The following ESYT1 variants were observed in gnomAD, a reference collection of about 807,000 sequenced individuals.
ESYT1 encodes the protein extended synaptotagmin 1.
A neutral mutation model predicts 154.2 loss-of-function variants in ESYT1; 116 were observed. That is an observed-to-expected ratio of 0.75 (90% CI 0.65 to 0.88). The LOEUF (loss-of-function observed/expected upper bound fraction) is 0.88, where lower values mean the gene tolerates loss of function less well. Ranked by LOEUF, ESYT1 falls within the 40% of genes least tolerant of loss-of-function variation. ESYT1 has a pLI of 0.00. For synonymous variants in ESYT1, 500 were observed against 539.9 expected, an observed-to-expected ratio of 0.93 and a Z score of 1.02; for missense variants, 1,264 against 1,379.3, an observed-to-expected ratio of 0.92 and a Z score of 1.32.
At position 56,132,336 on chromosome 12, in the gene ESYT1, T is replaced by C. The variant is rs1022798727; in HGVS notation, c.984+4T>C. On this transcript the variant is annotated splice_donor_region_variant and intron_variant, in intron 8 of 30. Coordinates refer to ENST00000394048, the MANE Select transcript of ESYT1 (RefSeq NM_015292.3). ...GTTGCGTTCCCCTCTGCCCAGGGTA[T>C]GGCCTTTCCCCCACTAGATAGATCC... 6.2e-7 allele frequency: 1 copy of C among 1,614,164 alleles called. No homozygotes were observed. Among genetic ancestry groups the C allele is most frequent in the Non-Finnish European group, 8.5e-7 (1 of 1,180,040 alleles).
chr12:56,132,715 C>A lies in ESYT1; in HGVS notation c.1162-4C>A. The A allele has an allele frequency of 6.2e-7, 1 of 1,614,128 alleles. No individual in the cohort carries two copies. The highest frequency in any genetic ancestry group is 8.5e-7 in the Non-Finnish European group (1 of 1,179,992). On this transcript the variant is annotated splice_region_variant and splice_polypyrimidine_tract_variant and intron_variant, in intron 9 of 30. Coordinates refer to ENST00000394048, the MANE Select transcript of ESYT1 (RefSeq NM_015292.3). ...TGAGACACTCAGCCTTCTGTGTTCC[C>A]CAGGTGATGGTACACGAGGTCCCAG...
chr12:56,131,444 G>A, intron 5 of ESYT1, 33 bp from the exon 6 acceptor site: 1 of 1,613,240 alleles, frequency 6.2e-7, no homozygotes, highest in South Asian at 1.1e-5. Flanking sequence ...GACTTTTCTG[G>A]GGAAAGGCTT....
Position 56,130,874 on chromosome 12 carries a change from T to C in ESYT1, c.516T>C (p.Ser172=). The stretch of plus-strand genomic sequence containing the variant: ...CTGTGGCTCCGGCTGTTAGGGGATC[T>C]AACCCCCATCTGCAAACATTTACAT... ...AETVAPAVRG[S]NPHLQTFTFT... Residue 172 remains serine (S), a synonymous_variant, in exon 3 of 31, where the codon TCT becomes TCC. Coordinates refer to ENST00000394048, the MANE Select transcript of ESYT1 (RefSeq NM_015292.3). 1 of 1,614,226 alleles carries C rather than the reference T, an allele frequency of 6.2e-7. No homozygotes were observed. The highest frequency in any genetic ancestry group is 2.2e-5 in the East Asian group (1 of 44,890).
Position 56,138,023 on chromosome 12 carries a change from C to T in ESYT1, c.2199-3C>T. 3 of 1,614,158 alleles carry T rather than the reference C, an allele frequency of 1.9e-6. No individual in the cohort carries two copies. Among genetic ancestry groups the T allele is most frequent in the Non-Finnish European group, 2.5e-6 (3 of 1,180,014 alleles). ...CTTTTGTCTTAATCTTTCTCTTCAA[C>T]AGGTGTAAAGTGCGTCTCACCACAG... is the stretch of plus-strand genomic sequence containing the variant. On this transcript the variant is annotated splice_region_variant and splice_polypyrimidine_tract_variant and intron_variant, in intron 19 of 30. Transcript: ENST00000394048.
chr12:56,132,089 A>AT, intron 7 of ESYT1, 120 bp from the exon 8 acceptor site: 3 of 1,483,408 alleles, frequency 2.0e-6, no homozygotes, highest in Non-Finnish European at 2.8e-6. Flanking sequence ...AGCACAAAGG[A>AT]TTTTCACAAA....
intron 24 of ESYT1, among the ~76,000 whole-genome samples, chr12:56,141,670 G>A (rs556254098): frequency 6.6e-6 from 1 of 152,318 alleles, no homozygotes; most frequent in African/African-American, 2.4e-5. Context: ...AACCCAGGAG[G>A]CGGAGCTTGC....
At position 56,136,867 on chromosome 12, in the gene ESYT1, A is replaced by G. The variant is rs1870479550; in HGVS notation, c.1756A>G (p.Arg586Gly). The part of the protein sequence containing the change: ...FQLSSSGPNS[R>G]LYMKLVMRIL... The stretch of plus-strand genomic sequence containing the variant: ...GCTCAGCAGCTCTGGTCCAAACTCC[A>G]GACTCTATATGAAACTAGTCATGAG... Residue 586 changes from arginine (R) to glycine (G), a missense_variant, in exon 16 of 31, where the codon AGA becomes GGA. By Grantham distance (125) the Arg-to-Gly change is moderately radical. Transcript: ENST00000394048. The G allele has an allele frequency of 6.2e-7, 1 of 1,610,006 alleles. No individual in the cohort carries two copies. The highest frequency in any genetic ancestry group is 8.5e-7 in the Non-Finnish European group (1 of 1,177,444).
chr12:56,139,347 G>T (rs1359778759), intron 24 of ESYT1, among the ~76,000 whole-genome samples: 1 of 151,852 alleles, frequency 6.6e-6, no homozygotes, highest in African/African-American at 2.4e-5. Context: ...CCTGACCTCA[G>T]GTGATCCGCC....
At chr12:56,133,704 AG>A in intron 12 of ESYT1, 30 bp downstream of exon 12, 2 of 1,613,686 alleles carry the variant, frequency 1.2e-6, no homozygotes, top group South Asian at 2.2e-5. Flanking sequence ...GGAAGCTGGC[AG>A]GGGAGAAATA....
In ESYT1 at chr12:56,144,347, C is replaced by G. The variant is rs1870835884; in HGVS notation, c.*485C>G. The G allele has an allele frequency of 9.9e-7, 1 of 1,011,360 alleles. No homozygotes were observed. The highest frequency in any genetic ancestry group is 1.2e-6 in the Non-Finnish European group (1 of 844,442). The allele number at this position is 1,011,360 out of a possible 1,614,324, so 62.6% of individuals were successfully genotyped here. On this transcript the variant is annotated 3_prime_UTR_variant, in exon 31 of 31. Transcript: ENST00000394048. ...TGCATGTAGCAAATGTTCAGCAGCT[C>G]AGGCCCCCATGTCCAGTTCTGTCCC...
In ESYT1 at chr12:56,136,840, C is replaced by T; in HGVS notation, c.1729C>T (p.Gln577Ter). The T allele has an allele frequency of 6.2e-7, 1 of 1,612,532 alleles. No individual in the cohort carries two copies. Among genetic ancestry groups the T allele is most frequent in the Non-Finnish European group, 8.5e-7 (1 of 1,178,970 alleles). ...AGAACTCATCCTGGACCAGTGGTTC[C>T]AGCTCAGCAGCTCTGGTCCAAACTC... is the stretch of plus-strand genomic sequence containing the variant. ...APELILDQWF[Q>*]LSSSGPNSRL... Residue 577 changes from glutamine (Q) to a stop codon, truncating the protein, a stop_gained, in exon 16 of 31, where the codon CAG becomes TAG. Transcript: ENST00000394048. LOFTEE classifies it high-confidence loss of function.
At position 56,128,377 on chromosome 12, in the gene ESYT1, C is replaced by A. The variant is rs1182351034; in HGVS notation, c.58C>A (p.Pro20Thr). Residue 20 changes from proline (P) to threonine (T), a missense_variant, in exon 1 of 31, where the codon CCC (proline) becomes ACC (threonine). Transcript: ENST00000394048. ...SPSPMDQPSAPSDPTDQPPAA... is the reference protein window; with the variant it reads ...SPSPMDQPSATSDPTDQPPAA... ...CAGCCCCATGGACCAGCCCTCTGCT[C>A]CCTCCGACCCCACTGACCAGCCCCC... 1.2e-6 allele frequency: 2 copies of A among 1,612,258 alleles called. No individual in the cohort carries two copies. Among genetic ancestry groups the A allele is most frequent in the Non-Finnish European group, 1.7e-6 (2 of 1,179,230 alleles).
At chr12:56,128,791 A>T in intron 1 of ESYT1, 82 bp downstream of exon 1, 1 of 1,547,788 alleles carries the variant, frequency 6.5e-7, no homozygotes, top group South Asian at 1.1e-5. Flanking sequence ...TTATGCCTAG[A>T]GTCAGCTCCC....
intron 10 of ESYT1, among the ~76,000 whole-genome samples, chr12:56,133,099 C>T (rs527636698): frequency 3.3e-5 from 5 of 151,410 alleles, no homozygotes; most frequent in Non-Finnish European, 7.4e-5. Context: ...CCAGCCTGGG[C>T]GACAGAGCGA....
chr12:56,140,976 G>A (rs1447100432), intron 24 of ESYT1, among the ~76,000 whole-genome samples: 1 of 152,180 alleles, frequency 6.6e-6, no homozygotes, highest in East Asian at 1.9e-4. Flanking sequence ...TGGAATTTGA[G>A]ATCTCTGCAG....
Position 56,142,449 on chromosome 12 carries a change from A to C in ESYT1, c.2733+24A>C. 1.9e-6 allele frequency: 3 copies of C among 1,608,706 alleles called. No individual in the cohort carries two copies. The highest frequency in any genetic ancestry group is 2.6e-6 in the Non-Finnish European group (3 of 1,175,990). On this transcript the variant is annotated intron_variant, in intron 25 of 30. Coordinates refer to ENST00000394048, the MANE Select transcript of ESYT1 (RefSeq NM_015292.3). The surrounding 1 kb of genome is among the most constrained non-coding windows in gnomAD (Gnocchi z 4.1). Reference sequence around the variant, plus strand: ...GGGTGAGTGACAGGAGATGGTGGGCAGGATGAGAGGGAGGAGGGGAGGGCC... The same window carrying C: ...GGGTGAGTGACAGGAGATGGTGGGCCGGATGAGAGGGAGGAGGGGAGGGCC...
rs58663297 is a variant in ESYT1, at chr12:56,144,560, T to G, written c.*698T>G. 1.0e-6 allele frequency: 1 copy of G among 985,398 alleles called. No homozygotes were observed. The highest frequency in any genetic ancestry group is 1.2e-6 in the Non-Finnish European group (1 of 830,018). The allele number at this position is 985,398 out of a possible 1,614,324, so 61.0% of individuals were successfully genotyped here. On this transcript the variant is annotated 3_prime_UTR_variant, in exon 31 of 31. Transcript: ENST00000394048. ...ACTTGGGACAGCAGGGCCAATTTTT[T>G]TGCCCAAGTGCCTAGGCTGCTAACT...
chr12:56,137,267 G>T lies in ESYT1; in HGVS notation c.1832G>T (p.Cys611Phe). The T allele has an allele frequency of 6.2e-7, 1 of 1,614,228 alleles. No individual in the cohort carries two copies. The highest frequency in any genetic ancestry group is 1.6e-4 in the Middle Eastern group (1 of 6,062). ...SEICFPTVPG[C>F]PGAWDVDSEN... The stretch of plus-strand genomic sequence containing the variant: ...ATATGCTTCCCCACGGTGCCTGGTT[G>T]TCCTGGTGCTTGGGACGTGGACAGT... The change falls in exon 17 of 31, where the codon TGT (cysteine) becomes TTT (phenylalanine). Residue 611 changes from cysteine to phenylalanine, a missense_variant. Physicochemically the swap from Cys to Phe is radical, Grantham distance 205 (BLOSUM62 -2). Transcript: ENST00000394048.
rs553828153 is a variant in ESYT1, at chr12:56,132,808, C to T, written c.1244+7C>T. On this transcript the variant is annotated splice_region_variant and intron_variant, in intron 10 of 30. Transcript: ENST00000394048. Reference sequence around the variant, plus strand: ...AAGATGACTTTCTGGGCAGGTGAGACTCTGCCTGTTAGGATTCTAAAGCCC... The same window carrying T: ...AAGATGACTTTCTGGGCAGGTGAGATTCTGCCTGTTAGGATTCTAAAGCCC... The T allele has an allele frequency of 9.3e-6, 15 of 1,612,574 alleles. 1 individual carries two copies. In the African/African-American group the frequency reaches 1.3e-4, roughly 14 times the overall value.
Sources: allele counts gnomAD v4.1 joint callset (sites outside exome capture counted in the v4.1 genomes callset), GRCh38; gene constraint gnomAD v4.1.1; non-coding constraint Gnocchi (gnomAD v3.1); transcripts MANE v1.5; gene names NCBI Gene and HGNC (gene_info 2026-07-23, HGNC 2026-07-21).